DDX10: variants seen among roughly 807,000 people sequenced by gnomAD.
The protein encoded by DDX10 is DEAD-box helicase 10.
In DDX10, 74 loss-of-function variants were observed where a neutral mutation model predicts 104.3. That is an observed-to-expected ratio of 0.71 (90% confidence interval 0.59 to 0.86). DDX10 has a LOEUF of 0.86. DDX10 is among the 40% of genes least tolerant of loss of function. The probability of loss-of-function intolerance (pLI) is 0.00; values close to 1 mark genes in which losing one functional copy is unlikely to be tolerated. For synonymous variants in DDX10, 351 were observed against 353.4 expected, an observed-to-expected ratio of 0.99 and a Z score of 0.08; for missense variants, 952 against 1,040.0, an observed-to-expected ratio of 0.92 and a Z score of 1.16.
intron 13 of DDX10, among the ~76,000 whole-genome samples, chr11:108,822,922 A>C (rs1862346029): frequency 6.6e-6 from 1 of 152,178 alleles, no homozygotes; most frequent in Admixed American, 6.5e-5. Context: ...GCTAAGATGA[A>C]ATATAAGATA....
At chr11:108,766,762 T>G (rs1591812768) in intron 13 of DDX10, among the ~76,000 whole-genome samples, 1 of 152,322 alleles carries the variant, frequency 6.6e-6, no homozygotes, top group East Asian at 1.9e-4. Flanking sequence ...CCTGCACCAG[T>G]GCCTGGTACA....
chr11:108,853,836 C>T (rs573869720), intron 16 of DDX10, among the ~76,000 whole-genome samples: 1 of 152,204 alleles, frequency 6.6e-6, no homozygotes, highest in South Asian at 2.1e-4. Flanking sequence ...TTTTTCTTGT[C>T]AAGGGAAGGT....
In DDX10 at chr11:108,917,912, G is replaced by T. The variant is rs1454684204; in HGVS notation, c.2344G>T (p.Asp782Tyr). 1.2e-6 allele frequency: 2 copies of T among 1,611,930 alleles called. No homozygotes were observed. The highest frequency in any genetic ancestry group is 1.7e-6 in the Non-Finnish European group (2 of 1,179,396). Residue 782 changes from aspartate (D) to tyrosine (Y), a missense_variant, in exon 17 of 18, where the codon GAT (aspartate) becomes TAT (tyrosine). Around this residue, in one of 3 missense-constraint regions of DDX10, gnomAD observed 533 missense variants for 534.1 expected, o/e 1.00. Transcript: ENST00000322536. Reference protein sequence around the residue: ...EEEAFLDWSDDDDDDDDGFDP... With the variant: ...EEEAFLDWSDYDDDDDDGFDP... ...GGAAGCCTTTCTGGATTGGAGTGAT[G>T]ATGATGATGATGATGATGATGGATT...
chr11:108,712,019 CT>C (rs1039828419), intron 10 of DDX10, among the ~76,000 whole-genome samples: 9 of 152,136 alleles, frequency 5.9e-5, no homozygotes, highest in African/African-American at 1.9e-4. Flanking sequence ...GGATTGTTGC[CT>C]TTTTGGAGAA....
chr11:108,772,067 G>T (rs2094363918), intron 13 of DDX10, among the ~76,000 whole-genome samples: 1 of 152,200 alleles, frequency 6.6e-6, no homozygotes, highest in South Asian at 2.1e-4. Flanking sequence ...AGTTGATCTT[G>T]TGACTCAACC....
chr11:108,692,825 G>C (rs1399206064), intron 8 of DDX10, among the ~76,000 whole-genome samples: 1 of 152,176 alleles, frequency 6.6e-6, no homozygotes, highest in African/African-American at 2.4e-5. Flanking sequence ...CCAGGCTCAA[G>C]TGATACTCCC....
intron 13 of DDX10, among the ~76,000 whole-genome samples, chr11:108,728,086 C>A (rs2094307548): frequency 2.0e-5 from 3 of 151,660 alleles, no homozygotes; most frequent in African/African-American, 7.3e-5. Flanking sequence ...AGTATACAAG[C>A]CCATTTGAAA....
intron 13 of DDX10, among the ~76,000 whole-genome samples, chr11:108,816,381 A>G (rs965188594): frequency 1.3e-5 from 2 of 152,166 alleles, no homozygotes; most frequent in African/African-American, 4.8e-5. Flanking sequence ...CCATTTATTC[A>G]GTCACTTCGG....
At chr11:108,917,155 G>C (rs921535528) in intron 16 of DDX10, among the ~76,000 whole-genome samples, 2 of 150,520 alleles carry the variant, frequency 1.3e-5, no homozygotes, top group Non-Finnish European at 3.0e-5. Flanking sequence ...AGCCTCAGCT[G>C]TCTGGCACAC....
chr11:108,682,944 C>T (rs1033540306), intron 6 of DDX10, among the ~76,000 whole-genome samples: 1 of 151,992 alleles, frequency 6.6e-6, no homozygotes, highest in African/African-American at 2.4e-5. Context: ...TCAAAGTCAT[C>T]TGACAGTTCT....
At chr11:108,819,672 C>T (rs963192717) in intron 13 of DDX10, among the ~76,000 whole-genome samples, 1 of 152,012 alleles carries the variant, frequency 6.6e-6, no homozygotes, top group Non-Finnish European at 1.5e-5. Context: ...AATCTCAGCT[C>T]ACTATAACCT....
At chr11:108,860,159 C>T (rs1163342913) in intron 16 of DDX10, among the ~76,000 whole-genome samples, 3 of 152,066 alleles carry the variant, frequency 2.0e-5, no homozygotes, top group Non-Finnish European at 4.4e-5. Context: ...GTGGGTTTTC[C>T]ATGTTATTAC....
At chr11:108,792,330 TTTACC>T (rs1315237217) in intron 13 of DDX10, among the ~76,000 whole-genome samples, 1 of 152,204 alleles carries the variant, frequency 6.6e-6, no homozygotes, top group African/African-American at 2.4e-5. Context: ...TTTTAAAAAC[TTTACC>T]TTAACAAGGT....
intron 15 of DDX10, among the ~76,000 whole-genome samples, chr11:108,851,261 C>T (rs768710924): frequency 6.6e-6 from 1 of 152,088 alleles, no homozygotes; most frequent in African/African-American, 2.4e-5. Context: ...GCTACAAATA[C>T]ATGTATCCAC....
rs1339231322 is a variant in DDX10, at chr11:108,678,392, G to A, written c.615G>A (p.Met205Ile). 5 of 1,612,572 alleles carry A rather than the reference G, an allele frequency of 3.1e-6. No homozygotes were observed. Among genetic ancestry groups the A allele is most frequent in the Non-Finnish European group, 4.2e-6 (5 of 1,179,382 alleles). The stretch of plus-strand genomic sequence containing the variant: ...CACCAGGTCGGCTTCTTCAACACAT[G>A]GATGAAACAGTATCTTTTCATGCTA... ...VCTPGRLLQHMDETVSFHATD... is the reference protein window; with the variant it reads ...VCTPGRLLQHIDETVSFHATD... Residue 205 changes from methionine to isoleucine, a missense_variant, in exon 5 of 18, where the codon ATG (methionine) becomes ATA (isoleucine). By Grantham distance (10) the Met-to-Ile change is conservative. Around this residue, in one of 3 missense-constraint regions of DDX10, gnomAD observed 412 missense variants for 479.2 expected, o/e 0.86. Coordinates refer to ENST00000322536, the MANE Select transcript of DDX10 (RefSeq NM_004398.4).
intron 16 of DDX10, among the ~76,000 whole-genome samples, chr11:108,900,313 A>C (rs540415950): frequency 2.0e-5 from 3 of 152,194 alleles, no homozygotes; most frequent in Non-Finnish European, 2.9e-5. Flanking sequence ...GTATTTCTTT[A>C]TAGCAATACA....
intron 9 of DDX10, among the ~76,000 whole-genome samples, 168 bp downstream of exon 9, chr11:108,693,768 G>T (rs774572233): frequency 1.3e-5 from 2 of 152,136 alleles, no homozygotes; most frequent in Non-Finnish European, 2.9e-5. Flanking sequence ...GACTTGATTA[G>T]TGCTGCAAAA....
At chr11:108,768,684 C>A (rs950311750) in intron 13 of DDX10, among the ~76,000 whole-genome samples, 1 of 152,122 alleles carries the variant, frequency 6.6e-6, no homozygotes, top group East Asian at 1.9e-4. Flanking sequence ...CAATTTAAGA[C>A]CCTTGGAACA....
chr11:108,684,454 G>A (rs1347805867), intron 6 of DDX10, among the ~76,000 whole-genome samples: 7 of 142,862 alleles, frequency 4.9e-5, no homozygotes, highest in Admixed American at 7.1e-5. Context: ...TGCAGTGTTT[G>A]GTTTTTTGTT....
Sources: gnomAD v4.1 joint callset for allele counts (sites outside exome capture counted in the v4.1 genomes callset) on GRCh38, gnomAD v4.1.1 for gene constraint, gnomAD v4.1.1 regional missense constraint, MANE v1.5 for transcripts, NCBI Gene and HGNC (gene_info 2026-07-23, HGNC 2026-07-21) for gene names.